The following SKAP1 variants were observed in gnomAD, a reference collection of about 807,000 sequenced individuals.
SKAP1 encodes the protein src kinase-associated phosphoprotein 1.
A neutral mutation model predicts 58.5 loss-of-function variants in SKAP1; 44 were observed. The observed-to-expected ratio is 0.75, with a 90% confidence interval of 0.59 to 0.97. The LOEUF (loss-of-function observed/expected upper bound fraction) is 0.97. SKAP1 is among the 50% of genes least tolerant of loss of function. The pLI, the probability that SKAP1 is intolerant of heterozygous loss-of-function variation, is 0.00. For synonymous variants in SKAP1, 127 were observed against 149.7 expected (o/e 0.85, Z 1.11); for missense variants, 390 against 435.2 (o/e 0.90, Z 0.92).
the SKAP1 span, among the ~76,000 whole-genome samples, chr17:48,439,859 A>T: frequency 1.3e-5 from 2 of 152,126 alleles, no homozygotes; most frequent in Non-Finnish European, 2.9e-5. Context: ...TTATATTCTG[A>T]CAATGTTGGG....
intron 2 of SKAP1, 87 bp from the exon 3 acceptor site, chr17:48,363,901 T>A (rs889568548): frequency 2.2e-5 from 23 of 1,046,170 alleles, no homozygotes; most frequent in Non-Finnish European, 3.1e-5. Flanking sequence ...TAGCACCTGG[T>A]CCAAAAAGCT....
Position 48,187,923 on chromosome 17 carries a change from TG to T in SKAP1, c.361del (p.His121IlefsTer60). On this transcript the variant is annotated frameshift_variant and splice_region_variant, in exon 6 of 13. Transcript: ENST00000336915. LOFTEE classifies it high-confidence loss of function. Reference protein sequence around the residue: ...QGYLEKKSKDHSFFGSEWQKR... With the variant: ...QGYLEKKSKDXSFFGSEWQKR... Reference sequence around the variant, plus strand: ...CTGCCACTCCGATCCAAAGAAACTATGATCTAAACAGAACAGCAGTAGGGGA... The same window carrying T: ...CTGCCACTCCGATCCAAAGAAACTATATCTAAACAGAACAGCAGTAGGGGA... 6.2e-7 allele frequency: 1 copy of T among 1,613,394 alleles called. No individual in the cohort carries two copies. The highest frequency in any genetic ancestry group is 1.1e-5 in the South Asian group (1 of 91,068).
chr17:48,189,263 C>T (rs1027233041), intron 5 of SKAP1, among the ~76,000 whole-genome samples, 160 bp downstream of exon 5: 4 of 152,206 alleles, frequency 2.6e-5, no homozygotes, highest in East Asian at 1.9e-4. Context: ...TTAGCCTACA[C>T]GAAAACACCA....
chr17:48,259,842 C>A (rs887073378), intron 4 of SKAP1, among the ~76,000 whole-genome samples: 1 of 152,104 alleles, frequency 6.6e-6, no homozygotes, highest in African/African-American at 2.4e-5. Flanking sequence ...AAAAGGTCAG[C>A]TTTATTTGAA....
At chr17:48,356,682 GCA>G (rs1216829846) in intron 3 of SKAP1, among the ~76,000 whole-genome samples, 2 of 151,928 alleles carry the variant, frequency 1.3e-5, no homozygotes, top group African/African-American at 4.8e-5. Flanking sequence ...CTCCATATCA[GCA>G]ATATAGATTT....
intron 4 of SKAP1, among the ~76,000 whole-genome samples, chr17:48,245,976 AAAC>A (rs200630777): frequency 6.6e-6 from 1 of 152,114 alleles, no homozygotes; most frequent in African/African-American, 2.4e-5. Context: ...CTCCGTCTCA[AAAC>A]AACAACAACA....
intron 11 of SKAP1, among the ~76,000 whole-genome samples, chr17:48,139,070 G>A (rs541875363): frequency 6.6e-6 from 1 of 151,306 alleles, no homozygotes; most frequent in Non-Finnish European, 1.5e-5. Context: ...TAGTAAAGAC[G>A]GTGTTTCACC....
At chr17:48,364,562 C>A (rs546984740) in intron 2 of SKAP1, among the ~76,000 whole-genome samples, 1 of 152,094 alleles carries the variant, frequency 6.6e-6, no homozygotes, top group Non-Finnish European at 1.5e-5. Flanking sequence ...GTAATCCCAG[C>A]TACTCAGGAG....
At chr17:48,369,596 G>A (rs761743335) in intron 2 of SKAP1, among the ~76,000 whole-genome samples, 1 of 152,178 alleles carries the variant, frequency 6.6e-6, no homozygotes, top group African/African-American at 2.4e-5. Context: ...AGCAGTCACT[G>A]TAGTAGTAAT....
rs111473495 is a variant in SKAP1, at chr17:48,252,942, T to C, written c.281-63442A>G. 4.6e-5 allele frequency among the ~76,000 whole-genome samples: 7 copies of C among 151,730 alleles called. 2 individuals are homozygous for C. Among genetic ancestry groups the C allele is most frequent in the African/African-American group, 1.7e-4 (7 of 41,336 alleles). On this transcript the variant is annotated intron_variant, in intron 4 of 12. Coordinates refer to ENST00000336915, the MANE Select transcript of SKAP1 (RefSeq NM_003726.4). Reference sequence around the variant, plus strand: ...CTCGGGTTTAATGGCATAGTAAGAGTTGTATTTGCTTTTCAGATTTTGAAA... The same window carrying C: ...CTCGGGTTTAATGGCATAGTAAGAGCTGTATTTGCTTTTCAGATTTTGAAA...
At chr17:48,165,506 T>C (rs2064128145) in intron 10 of SKAP1, among the ~76,000 whole-genome samples, 2 of 151,752 alleles carry the variant, frequency 1.3e-5, no homozygotes, top group African/African-American at 4.8e-5. Context: ...GTTCAAGGGA[T>C]TCTCCTGCCT....
chr17:48,364,287 T>C (rs1040764948), intron 2 of SKAP1, among the ~76,000 whole-genome samples: 1 of 152,144 alleles, frequency 6.6e-6, no homozygotes, highest in Admixed American at 6.5e-5. Context: ...TTTTTTTTTC[T>C]CTGTTACCCA....
intron 4 of SKAP1, among the ~76,000 whole-genome samples, chr17:48,284,811 G>A (rs1437429920): frequency 6.6e-6 from 1 of 152,136 alleles, no homozygotes; most frequent in Non-Finnish European, 1.5e-5. Context: ...TAAAGAATTG[G>A]TGGAGACATA....
At chr17:48,422,376 T>A (rs1051729249) in intron 1 of SKAP1, among the ~76,000 whole-genome samples, 2 of 152,174 alleles carry the variant, frequency 1.3e-5, no homozygotes, top group Non-Finnish European at 2.9e-5. Flanking sequence ...AAAATTTAAT[T>A]TTATTTATCA....
chr17:48,417,649 G>T (rs576652156), intron 1 of SKAP1, among the ~76,000 whole-genome samples: 3 of 151,958 alleles, frequency 2.0e-5, no homozygotes, highest in Non-Finnish European at 4.4e-5. Flanking sequence ...GGAGGTGGAG[G>T]TGTGAGAATC....
intron 4 of SKAP1, among the ~76,000 whole-genome samples, chr17:48,252,999 A>G (rs2143887380): frequency 6.6e-6 from 1 of 152,214 alleles, no homozygotes; most frequent in East Asian, 1.9e-4. Flanking sequence ...AGGTTTTAAG[A>G]CCACAGATTG....
rs551544011 is a variant in SKAP1 at position 48,365,772 on chromosome 17, G to A, written c.153-1958C>T. 9.6e-4 allele frequency among the ~76,000 whole-genome samples: 122 copies of A among 126,858 alleles called. 1 individual carries two copies. Among genetic ancestry groups the A allele is most frequent in the Admixed American group, 2.4e-3 (28 of 11,728 alleles). 83.2% of individuals were successfully genotyped at this position (126,858 alleles called of 152,430 possible). A position where few individuals can be genotyped will look rare whatever the true frequency, so the allele number is the denominator to read the frequency against. On this transcript the variant is annotated intron_variant, in intron 2 of 12. Coordinates refer to ENST00000336915, the MANE Select transcript of SKAP1 (RefSeq NM_003726.4). ...TGACCTCTCAGGAGTGTAGATGTGC[G>A]TCGGAGCTTTTTTTTTTTTTTTTTA...
At chr17:48,383,456 A>T (rs963459412) in intron 2 of SKAP1, among the ~76,000 whole-genome samples, 10 of 151,980 alleles carry the variant, frequency 6.6e-5, no homozygotes, top group East Asian at 1.9e-4. Context: ...TAAAAAAAAA[A>T]TTTTAGAAAA....
intron 4 of SKAP1, among the ~76,000 whole-genome samples, chr17:48,315,280 C>T (rs559054232): frequency 6.6e-6 from 1 of 152,226 alleles, no homozygotes; most frequent in South Asian, 2.1e-4. Context: ...TGAGCATGCT[C>T]TGAAATGATC....
Sources: allele counts gnomAD v4.1 joint callset (sites outside exome capture counted in the v4.1 genomes callset), GRCh38; gene constraint gnomAD v4.1.1; transcripts MANE v1.5; gene names NCBI Gene and HGNC (gene_info 2026-07-23, HGNC 2026-07-21).